TNRC18: variants seen among roughly 807,000 people sequenced by gnomAD.
The protein encoded by TNRC18 is trinucleotide repeat containing 18.
A neutral mutation model predicts 226.7 loss-of-function variants in TNRC18; 69 were observed. The ratio of observed to expected loss-of-function variants is 0.30; its 90% CI spans 0.25 to 0.37. The LOEUF (loss-of-function observed/expected upper bound fraction) is 0.37, where lower values mean the gene tolerates loss of function less well. TNRC18 is among the 10% of genes least tolerant of loss of function. The pLI is 1.00. For synonymous variants in TNRC18, 2,449 were observed against 1,927.6 expected (o/e 1.27, Z -7.09); for missense variants, 4,754 against 4,256.6 (o/e 1.12, Z -3.25).
chr7:5,377,125 G>C lies in TNRC18; in HGVS notation c.2462-132C>G. ...CCTCCAGTGGGGAAGCCAAGGGACA[G>C]GGGTGCTGGCTGGCTGCAAAGAGCA... On this transcript the variant is annotated intron_variant, in intron 7 of 29. Coordinates refer to ENST00000430969, the MANE Select transcript of TNRC18 (RefSeq NM_001080495.3). The surrounding 1 kb of genome is among the most constrained non-coding windows in gnomAD (Gnocchi z 5.8). 1 of 1,352,802 alleles carries C rather than the reference G, an allele frequency of 7.4e-7. No individual in the cohort carries two copies. 83.8% of individuals were successfully genotyped at this position (1,352,802 alleles called of 1,614,324 possible).
intron 17 of TNRC18, among the ~76,000 whole-genome samples, chr7:5,349,031 T>G (rs1233775406): frequency 6.6e-6 from 1 of 152,042 alleles, no homozygotes; most frequent in East Asian, 1.9e-4. Flanking sequence ...GCCACTCAGG[T>G]GCGCAGACTC....
At chr7:5,392,883 G>A (rs143216723) in intron 3 of TNRC18, among the ~76,000 whole-genome samples, 26 of 151,976 alleles carry the variant, frequency 1.7e-4, no homozygotes, top group African/African-American at 5.8e-4. Context: ...GTGATGGTGT[G>A]CACCTGTAGT....
Position 5,309,564 on chromosome 7 carries a change from T to A in TNRC18, c.8389-196A>T, listed in dbSNP as rs1786973875. 6.6e-6 allele frequency among the ~76,000 whole-genome samples: 1 copy of A among 152,250 alleles called. No homozygotes were observed. Among genetic ancestry groups the A allele is most frequent in the East Asian group, 1.9e-4 (1 of 5,190 alleles). On this transcript the variant is annotated intron_variant, in intron 27 of 29. Coordinates refer to ENST00000430969, the MANE Select transcript of TNRC18 (RefSeq NM_001080495.3). This position sits in a 1 kb window ranked among gnomAD's most constrained non-coding sequence, Gnocchi z 5.7. ...TTCCATCTCTTTGACATGCTGGGTC[T>A]CCAAGAGGCGCTTCCCTTGATCTAA...
intron 18 of TNRC18, 45 bp downstream of exon 18, chr7:5,345,517 G>GCACCCCCCCCCCCCCC: frequency 5.3e-6 from 2 of 377,744 alleles, no homozygotes; most frequent in South Asian, 4.4e-5. Context: ...AATGGCGTCC[G>GCACCCCCCCCCCCCCC]CCCCTCCCAC....
chr7:5,369,442 G>A (rs1793943719), intron 11 of TNRC18, among the ~76,000 whole-genome samples: 2 of 152,186 alleles, frequency 1.3e-5, no homozygotes, highest in Admixed American at 1.3e-4. Flanking sequence ...AGAAAGAGGT[G>A]GCCTCTTTCG....
intron 18 of TNRC18, among the ~76,000 whole-genome samples, chr7:5,339,543 G>A (rs1461149456): frequency 1.6e-5 from 1 of 63,310 alleles, no homozygotes; most frequent in East Asian, 4.6e-4. Context: ...CCCAGCCAAT[G>A]TGTGTGTGTG....
intron 2 of TNRC18, among the ~76,000 whole-genome samples, chr7:5,400,110 G>A (rs1356092004): frequency 6.6e-6 from 1 of 151,926 alleles, no homozygotes; most frequent in Non-Finnish European, 1.5e-5. Flanking sequence ...GCGAAGTCTG[G>A]GGTCTAGAAT....
intron 18 of TNRC18, among the ~76,000 whole-genome samples, chr7:5,334,886 A>G (rs779467459): frequency 6.6e-6 from 1 of 152,164 alleles, no homozygotes; most frequent in Admixed American, 6.5e-5. Flanking sequence ...CTGGCACTAG[A>G]CACGGTCTTC....
chr7:5,309,328 T>G lies in TNRC18; in HGVS notation c.8429A>C (p.Lys2810Thr). ...CATCTCCTTGCCGCGCACGATGGCC[T>G]TGTAGAAGAGCTTGCGGGCCTTGCC... ...MKGKARKLFY[K>T]AIVRGKEMIR... Residue 2810 changes from lysine (K) to threonine (T), a missense_variant, in exon 28 of 30, where the codon AAG becomes ACG. By Grantham distance (78) the Lys-to-Thr change is moderately conservative. Transcript: ENST00000430969. This position sits in a 1 kb window ranked among gnomAD's most constrained non-coding sequence, Gnocchi z 5.7. 6.2e-7 allele frequency: 1 copy of G among 1,613,864 alleles called. No individual in the cohort carries two copies. Among genetic ancestry groups the G allele is most frequent in the Non-Finnish European group, 8.5e-7 (1 of 1,179,802 alleles).
At chr7:5,375,521 C>T (rs987874974) in intron 9 of TNRC18, among the ~76,000 whole-genome samples, 3 of 152,166 alleles carry the variant, frequency 2.0e-5, no homozygotes, top group Non-Finnish European at 1.5e-5. Context: ...AGATTCAGAC[C>T]CAGGGCTCAG....
chr7:5,348,424 T>C (rs1264391907), intron 17 of TNRC18, among the ~76,000 whole-genome samples: 2 of 152,072 alleles, frequency 1.3e-5, no homozygotes, highest in African/African-American at 4.8e-5. Flanking sequence ...TAGGCTCGGA[T>C]AGACAGACGG....
At chr7:5,385,088 G>C (rs73057705) in intron 5 of TNRC18, among the ~76,000 whole-genome samples, 30,300 of 152,294 alleles carry the variant, frequency 0.2, 3,197 homozygotes, top group South Asian at 0.31. Context: ...AAGGCACAGA[G>C]GATGGGGAGA....
intron 18 of TNRC18, among the ~76,000 whole-genome samples, chr7:5,342,436 A>G (rs1790777820): frequency 6.6e-6 from 1 of 152,098 alleles, no homozygotes; most frequent in Admixed American, 6.6e-5. Flanking sequence ...CTCAAAAAAA[A>G]AAAAAAAGAA....
rs548073889 is a variant in TNRC18 at position 5,387,739 on chromosome 7, G to C, written c.2085C>G (p.Gly695=). ...GCCCAGGCCCCAGCCGGCCACTGCC[G>C]CCACTGTCCTTCTGCCGGGCCACAG... ...AVAVARQKDS[G]GSGRLGPGLV... The change falls in exon 5 of 30, where the codon GGC becomes GGG. Residue 695 remains glycine (G), a synonymous_variant. Coordinates refer to ENST00000430969, the MANE Select transcript of TNRC18 (RefSeq NM_001080495.3). The C allele has an allele frequency of 4.4e-6, 7 of 1,606,968 alleles. No individual in the cohort carries two copies. In the East Asian group the frequency reaches 1.6e-4, roughly 36 times the overall value.
Position 5,388,112 on chromosome 7 carries a change from T to A in TNRC18, c.1712A>T (p.Asp571Val). 6.4e-7 allele frequency: 1 copy of A among 1,553,516 alleles called. No homozygotes were observed. The highest frequency in any genetic ancestry group is 8.7e-7 in the Non-Finnish European group (1 of 1,149,346). Residue 571 changes from aspartate (D) to valine (V), a missense_variant, in exon 5 of 30, where the codon GAC (aspartate) becomes GTC (valine). Coordinates refer to ENST00000430969, the MANE Select transcript of TNRC18 (RefSeq NM_001080495.3). The stretch of plus-strand genomic sequence containing the variant: ...AGACCCGTGGGCCGCAGAGTGCATG[T>A]CAGCGACCGGCCGGCCGCAGGTGGC... ...SAATCGRPVA[D>V]MHSAAHGSGE...
chr7:5,316,820 C>T (rs909667510), intron 24 of TNRC18, among the ~76,000 whole-genome samples: 11 of 152,184 alleles, frequency 7.2e-5, no homozygotes, highest in African/African-American at 2.6e-4. Flanking sequence ...GTGATACCCA[C>T]GAGGAGGAGG....
intron 10 of TNRC18, 47 bp downstream of exon 10, chr7:5,374,008 C>A (rs200789031): frequency 1.4e-6 from 2 of 1,393,798 alleles, no homozygotes; most frequent in East Asian, 5.5e-5. Context: ...GCAGTTTTAC[C>A]GCTCCAGGGG....
rs1298211423 is a variant in TNRC18, at chr7:5,348,810, A to G, written c.5471-3000T>C. ...AGGCAGGCAGTGCACACTTGCGATC[A>G]TTCACATTGCAGGCGTCACATGGCT... is the stretch of plus-strand genomic sequence containing the variant. On this transcript the variant is annotated intron_variant, in intron 17 of 29. Coordinates refer to ENST00000430969, the MANE Select transcript of TNRC18 (RefSeq NM_001080495.3). 2.0e-5 allele frequency among the ~76,000 whole-genome samples: 3 copies of G among 152,232 alleles called. No homozygotes were observed. The East Asian group carries it at 5.8e-4, about 30-fold the overall frequency.
Position 5,349,982 on chromosome 7 carries a change from G to A in TNRC18, c.5470+1837C>T, listed in dbSNP as rs141439656. ...GGTCCCGTCCACTTGGCACTGCGGC[G>A]CCAGCCCGGAGCCCCTTCCTAAGAG... On this transcript the variant is annotated intron_variant, in intron 17 of 29. Coordinates refer to ENST00000430969, the MANE Select transcript of TNRC18 (RefSeq NM_001080495.3). Among the ~76,000 whole-genome samples the A allele has an allele frequency of 6.0e-3, 906 of 152,174 alleles. 13 individuals are homozygous for A. Among genetic ancestry groups the A allele is most frequent in the African/African-American group, 0.02 (838 of 41,536 alleles).
Sources: gnomAD v4.1 joint callset for allele counts (sites outside exome capture counted in the v4.1 genomes callset) on GRCh38, gnomAD v4.1.1 for gene constraint, Gnocchi (gnomAD v3.1) non-coding constraint, MANE v1.5 for transcripts, NCBI Gene and HGNC (gene_info 2026-07-23, HGNC 2026-07-21) for gene names.